MGST2: variants seen among roughly 807,000 people sequenced by gnomAD.
MGST2 encodes the protein glutathione peroxidase MGST2.
A neutral mutation model predicts 16.6 loss-of-function variants in MGST2; 9 were observed. The ratio of observed to expected loss-of-function variants is 0.54; its 90% confidence interval spans 0.33 to 0.95. The LOEUF is 0.95. Among genes scored for constraint, MGST2 ranks in the 40% least tolerant of loss-of-function variants. The pLI is 0.03. For synonymous variants in MGST2, 79 were observed against 68.0 expected (o/e 1.16, Z -0.79); for missense variants, 159 against 175.1 (o/e 0.91, Z 0.52).
At chr4:139,725,824 T>C (rs920966006) in intron 5 of MGST2, 8 of 1,613,842 alleles carry the variant, frequency 5.0e-6, no homozygotes, top group East Asian at 2.2e-5. Flanking sequence ...GTAGATGTGA[T>C]TGCTGCAACT....
intron 5 of MGST2, among the ~76,000 whole-genome samples, chr4:139,733,101 G>A (rs777763379): frequency 1.1e-4 from 17 of 152,146 alleles, no homozygotes; most frequent in Non-Finnish European, 2.4e-4. Flanking sequence ...GTGAAATAAA[G>A]CTGTTTCTTG....
At chr4:139,728,486 A>G (rs1052633398) in intron 5 of MGST2, among the ~76,000 whole-genome samples, 4 of 152,200 alleles carry the variant, frequency 2.6e-5, no homozygotes. Context: ...GTGGGCTGGG[A>G]AATTATTAAA....
At chr4:139,734,733 G>A (rs1728864277) in intron 5 of MGST2, among the ~76,000 whole-genome samples, 1 of 152,254 alleles carries the variant, frequency 6.6e-6, no homozygotes, top group African/African-American at 2.4e-5. Context: ...AAATCTGTGC[G>A]TAGGGAAGCT....
Position 139,735,011 on chromosome 4 carries a change from CCG to C in MGST2, c.*49-5199_*49-5198del, listed in dbSNP as rs1728877309. 6.6e-6 allele frequency among the ~76,000 whole-genome samples: 1 copy of C among 152,222 alleles called. No homozygotes were observed. The highest frequency in any genetic ancestry group is 1.5e-5 in the Non-Finnish European group (1 of 68,034). ...GTCAGCCCGGCCTCGTGCCCGGCCG[CCG>C]CTGCGCCCGCGCCCCCTCCCCTCGC... On this transcript the variant is annotated intron_variant, in intron 5 of 5. Coordinates refer to the MGST2 transcript ENST00000616265. The surrounding 1 kb of genome is among the most constrained non-coding windows in gnomAD (Gnocchi z 5.8).
In MGST2 at chr4:139,678,543, G is replaced by A. The variant is rs1270193829; in HGVS notation, c.59G>A (p.Ser20Asn). 6.2e-7 allele frequency: 1 copy of A among 1,612,874 alleles called. No individual in the cohort carries two copies. Among genetic ancestry groups the A allele is most frequent in the Admixed American group, 1.7e-5 (1 of 60,002 alleles). The change falls in exon 2 of 5, where the codon AGT becomes AAT. Residue 20 changes from serine (S) to asparagine (N), a missense_variant and splice_region_variant. Physicochemically the swap from Ser to Asn is conservative, Grantham distance 46. Transcript: ENST00000265498. ...ACGCAACATTTCCCTTTACTTGCAGGTTATTTTGCTTTGCAAGTTGGAAAG... is the reference window on the plus strand; with the variant it reads ...ACGCAACATTTCCCTTTACTTGCAGATTATTTTGCTTTGCAAGTTGGAAAG... ...AVSILSACQQ[S>N]YFALQVGKAR...
chr4:139,745,590 T>TC (rs1729294023), downstream of MGST2, among the ~76,000 whole-genome samples: 2 of 152,144 alleles, frequency 1.3e-5, no homozygotes, highest in Admixed American at 1.3e-4. Context: ...CGGTCTGGGA[T>TC]CCCACCTCCT....
At chr4:139,696,690 C>T (rs942577988) in intron 3 of MGST2, among the ~76,000 whole-genome samples, 1 of 152,206 alleles carries the variant, frequency 6.6e-6, no homozygotes, top group Non-Finnish European at 1.5e-5. Flanking sequence ...GAGTGTCATG[C>T]ACAACGCCTG....
At chr4:139,727,448 C>A (rs1048208528) in intron 5 of MGST2, among the ~76,000 whole-genome samples, 1 of 152,174 alleles carries the variant, frequency 6.6e-6, no homozygotes, top group Admixed American at 6.5e-5. Context: ...CCCCTGGCAG[C>A]CTGTGGGGGA....
intron 3 of MGST2, among the ~76,000 whole-genome samples, chr4:139,702,489 GT>G (rs542229041): frequency 2.0e-5 from 3 of 151,500 alleles, no homozygotes; most frequent in Non-Finnish European, 2.9e-5. Flanking sequence ...GCATAGATCT[GT>G]TTTTTTTCAT....
intron 1 of MGST2, 59 bp downstream of exon 1, chr4:139,666,136 CAAG>C: frequency 3.0e-6 from 4 of 1,345,476 alleles, no homozygotes; most frequent in Non-Finnish European, 4.2e-6. Flanking sequence ...GTGTGTGTGA[CAAG>C]GCTTGCGGGA....
chr4:139,677,397 C>T (rs1731015934), intron 1 of MGST2, among the ~76,000 whole-genome samples: 1 of 152,146 alleles, frequency 6.6e-6, no homozygotes, highest in African/African-American at 2.4e-5. Flanking sequence ...CAAATCAAAG[C>T]AGGGGCTTCC....
chr4:139,736,475 G>A (rs540552298), intron 5 of MGST2, among the ~76,000 whole-genome samples: 1 of 152,228 alleles, frequency 6.6e-6, no homozygotes, highest in East Asian at 1.9e-4. Flanking sequence ...CAAGCCATCT[G>A]ACCTCTCTCA....
At chr4:139,725,906 A>T in intron 5 of MGST2, 2 of 1,281,998 alleles carry the variant, frequency 1.6e-6, no homozygotes, top group Admixed American at 3.5e-5. Flanking sequence ...ATATCCCAGC[A>T]GTTCCGAGGA....
At chr4:139,748,803 AAAG>A in the MGST2 span, among the ~76,000 whole-genome samples, 1 of 152,240 alleles carries the variant, frequency 6.6e-6, no homozygotes, top group Non-Finnish European at 1.5e-5. Flanking sequence ...GGGAAAAGTG[AAAG>A]AAGGTCTCAG....
intron 1 of MGST2, among the ~76,000 whole-genome samples, chr4:139,670,082 G>T (rs894889573): frequency 3.3e-5 from 5 of 152,086 alleles, no homozygotes; most frequent in Admixed American, 1.3e-4. Context: ...GTCTTAGGGG[G>T]TCTGGTTTCT....
chr4:139,703,879 T>C, intron 4 of MGST2, 137 bp from the exon 5 acceptor site: 3 of 1,019,062 alleles, frequency 2.9e-6, no homozygotes, highest in Non-Finnish European at 4.6e-6. Flanking sequence ...TTAACTTATG[T>C]GATGAGCTAA....
intron 5 of MGST2, chr4:139,730,204 C>T: frequency 1.7e-6 from 1 of 594,298 alleles, no homozygotes; most frequent in Non-Finnish European, 3.0e-6. Context: ...ATGGCTGGAG[C>T]CTGTCTTTTA....
In MGST2 at chr4:139,729,673, A is replaced by C. The variant is rs1223102354; in HGVS notation, c.*49-10539A>C. On this transcript the variant is annotated intron_variant, in intron 5 of 5. Transcript: ENST00000616265. Reference sequence around the variant, plus strand: ...TCAGGCCTTTCCCTAGGATAATGCTAAGTCAGGTATGGGCATCTCTAAAAA... The same window carrying C: ...TCAGGCCTTTCCCTAGGATAATGCTCAGTCAGGTATGGGCATCTCTAAAAA... 3.3e-5 allele frequency among the ~76,000 whole-genome samples: 5 copies of C among 152,186 alleles called. 1 individual carries two copies. Among genetic ancestry groups the C allele is most frequent in the Admixed American group, 2.6e-4 (4 of 15,280 alleles).
At position 139,704,016 on chromosome 4, in the gene MGST2, G is replaced by A. The variant is rs1231636993; in HGVS notation, c.312G>A (p.Arg104=). Residue 104 remains arginine, a splice_region_variant and synonymous_variant, in exon 5 of 5, where the codon CGG becomes CGA. Transcript: ENST00000265498. Reference sequence around the variant, plus strand: ...TTTCTCCCTCATGTCCACTCTGCAGGATCACCGGTTTCCGACTGAGTCTGG... The same window carrying A: ...TTTCTCCCTCATGTCCACTCTGCAGAATCACCGGTTTCCGACTGAGTCTGG... ...FWGYSEAAKK[R]ITGFRLSLGI... is the part of the protein sequence containing the mutation. 1 of 1,614,112 alleles carries A rather than the reference G, an allele frequency of 6.2e-7. No individual in the cohort carries two copies. The highest frequency in any genetic ancestry group is 8.5e-7 in the Non-Finnish European group (1 of 1,180,028).
Sources: gnomAD v4.1 joint callset for allele counts (sites outside exome capture counted in the v4.1 genomes callset) on GRCh38, gnomAD v4.1.1 for gene constraint, Gnocchi (gnomAD v3.1) non-coding constraint, MANE v1.5 for transcripts, NCBI Gene and HGNC (gene_info 2026-07-23, HGNC 2026-07-21) for gene names.